The following ACYP2 variants were observed in gnomAD, a reference collection of about 807,000 sequenced individuals.
ACYP2 encodes the protein acylphosphatase-2.
ACYP2 carries 12 observed loss-of-function variants against 11.2 expected under a neutral mutation model. That is an observed-to-expected ratio of 1.08 (90% CI 0.69 to 1.74). The LOEUF is 1.74. ACYP2 is among the 40% of genes most tolerant of loss of function. The pLI, the probability that ACYP2 is intolerant of heterozygous loss-of-function variation, is 0.00. For missense variants in ACYP2, 134 were observed against 101.9 expected, an observed-to-expected ratio of 1.31 and a Z score of -1.35; for synonymous variants, 43 against 32.2, an observed-to-expected ratio of 1.33 and a Z score of -1.13.
At chr2:54,002,019 A>G (rs1672826499) in intron 2 of ACYP2, among the ~76,000 whole-genome samples, 2 of 152,190 alleles carry the variant, frequency 1.3e-5, no homozygotes, top group African/African-American at 4.8e-5. Flanking sequence ...ATTATCACCC[A>G]AAGTCCATAG....
chr2:53,989,376 C>T (rs1672178809), intron 2 of ACYP2, among the ~76,000 whole-genome samples: 1 of 151,386 alleles, frequency 6.6e-6, no homozygotes. Context: ...AGGCATGAGC[C>T]ACCATGCCCT....
intron 2 of ACYP2, among the ~76,000 whole-genome samples, chr2:54,017,834 T>A (rs1573530573): frequency 6.6e-6 from 1 of 152,168 alleles, no homozygotes; most frequent in East Asian, 1.9e-4. Flanking sequence ...GGAGTGGCAG[T>A]TATCAGTGAG....
chr2:54,078,667 T>G (rs1452938503), intron 4 of ACYP2, among the ~76,000 whole-genome samples: 1 of 152,078 alleles, frequency 6.6e-6, no homozygotes, highest in Non-Finnish European at 1.5e-5. Context: ...TGGCGCAATT[T>G]TGGCTCACTG....
At chr2:54,126,840 G>C (rs183528479) in intron 4 of ACYP2, among the ~76,000 whole-genome samples, 4 of 151,970 alleles carry the variant, frequency 2.6e-5, no homozygotes, top group African/African-American at 9.6e-5. Context: ...TGTAATCCCA[G>C]CTACCCGGGA....
intron 6 of ACYP2, among the ~76,000 whole-genome samples, chr2:54,161,311 T>C (rs1163526064): frequency 2.0e-5 from 3 of 152,202 alleles, no homozygotes; most frequent in Non-Finnish European, 4.4e-5. Context: ...AATCATGATC[T>C]TGGGGGCTGG....
At chr2:53,989,204 G>GATCT (rs1265980459) in intron 2 of ACYP2, among the ~76,000 whole-genome samples, 3 of 150,858 alleles carry the variant, frequency 2.0e-5, no homozygotes, top group African/African-American at 7.3e-5. Context: ...CGACTATTGT[G>GATCT]ATCTACTGTG....
intron 4 of ACYP2, among the ~76,000 whole-genome samples, chr2:54,096,806 A>T (rs938089167): frequency 1.5e-5 from 2 of 132,498 alleles, no homozygotes; most frequent in African/African-American, 5.1e-5. Flanking sequence ...TTGGCTCGGC[A>T]TCAGAGGGAG....
At chr2:54,193,679 T>C (rs1178888260) in intron 6 of ACYP2, among the ~76,000 whole-genome samples, 3 of 152,216 alleles carry the variant, frequency 2.0e-5, no homozygotes, top group Non-Finnish European at 4.4e-5. Flanking sequence ...ATCAATCTTA[T>C]ATTTTTAATC....
intron 2 of ACYP2, among the ~76,000 whole-genome samples, chr2:53,990,345 T>G (rs930858334): frequency 2.6e-5 from 4 of 151,984 alleles, no homozygotes; most frequent in Admixed American, 2.6e-4. Context: ...ACAAGCAAGA[T>G]AGTTGATATA....
At chr2:54,149,835 T>C (rs1443590718) in intron 6 of ACYP2, among the ~76,000 whole-genome samples, 3 of 152,188 alleles carry the variant, frequency 2.0e-5, no homozygotes, top group Non-Finnish European at 2.9e-5. Flanking sequence ...TATGTCATAA[T>C]ACAAGGAATG....
chr2:54,004,139 A>G (rs183105798), intron 2 of ACYP2, among the ~76,000 whole-genome samples: 85 of 152,120 alleles, frequency 5.6e-4, no homozygotes, highest in African/African-American at 1.6e-3. Flanking sequence ...ATGCGCCGCC[A>G]TGCCCAGCTA....
At chr2:53,986,176 C>T (rs1209015104) in intron 2 of ACYP2, among the ~76,000 whole-genome samples, 2 of 151,798 alleles carry the variant, frequency 1.3e-5, no homozygotes, top group Non-Finnish European at 2.9e-5. Flanking sequence ...AATAGCCTGG[C>T]ACCTTCCCTC....
chr2:53,980,191 A>G (rs1486983523), intron 2 of ACYP2, among the ~76,000 whole-genome samples: 1 of 151,930 alleles, frequency 6.6e-6, no homozygotes, highest in Non-Finnish European at 1.5e-5. Flanking sequence ...CATCTCTACA[A>G]AAAATTTAAA....
At chr2:54,107,476 C>G (rs889929080) in intron 4 of ACYP2, among the ~76,000 whole-genome samples, 6 of 152,186 alleles carry the variant, frequency 3.9e-5, no homozygotes, top group Admixed American at 3.3e-4. Context: ...CATATTTGAA[C>G]TTTCATTCTG....
At chr2:54,096,196 C>T (rs374983297) in intron 4 of ACYP2, among the ~76,000 whole-genome samples, 32 of 131,738 alleles carry the variant, frequency 2.4e-4, no homozygotes, top group Admixed American at 8.2e-4. Context: ...ACTTCTCAGA[C>T]GGGGCGGCCG....
intron 3 of ACYP2, chr2:54,051,362 T>C (rs1456282452): frequency 5.3e-6 from 4 of 759,644 alleles, no homozygotes; most frequent in Non-Finnish European, 9.7e-6. Context: ...TGGAAGACCA[T>C]GTCTGCTAAA....
chr2:54,163,701 A>G (rs1682829355), intron 6 of ACYP2, among the ~76,000 whole-genome samples: 1 of 152,108 alleles, frequency 6.6e-6, no homozygotes, highest in Admixed American at 6.6e-5. Context: ...CTAAAAATAC[A>G]AAAAATTAGC....
At chr2:54,069,213 C>G (rs937729788) in intron 4 of ACYP2, among the ~76,000 whole-genome samples, 1 of 152,048 alleles carries the variant, frequency 6.6e-6, no homozygotes, top group Non-Finnish European at 1.5e-5. Flanking sequence ...TTACAGGTGT[C>G]AGCCACAGCA....
At chr2:53,989,485 T>G (rs1000984594) in intron 2 of ACYP2, among the ~76,000 whole-genome samples, 7 of 152,148 alleles carry the variant, frequency 4.6e-5, no homozygotes, top group African/African-American at 9.7e-5. Context: ...ATGTGTGTAT[T>G]TAGGGTACTT....
Sources: gnomAD v4.1 joint callset for allele counts (sites outside exome capture counted in the v4.1 genomes callset) on GRCh38, gnomAD v4.1.1 for gene constraint, MANE v1.5 for transcripts, NCBI Gene and HGNC (gene_info 2026-07-23, HGNC 2026-07-21) for gene names.